CDH20: variants seen among roughly 807,000 people sequenced by gnomAD.
The protein encoded by CDH20 is cadherin-20.
CDH20 carries 29 observed loss-of-function variants against 74.2 expected under a neutral mutation model. The observed-to-expected ratio is 0.39, with a 90% CI of 0.29 to 0.53. The LOEUF is 0.53. Ranked by LOEUF, CDH20 falls within the 20% of genes least tolerant of loss-of-function variation. The probability of loss-of-function intolerance (pLI) is 0.69; values close to 1 mark genes in which losing one functional copy is unlikely to be tolerated. For synonymous variants in CDH20, 469 were observed against 405.4 expected (o/e 1.16, Z -1.88); for missense variants, 988 against 1,048.3 (o/e 0.94, Z 0.79).
At chr18:61,519,774 T>C (rs1010235513) in intron 6 of CDH20, among the ~76,000 whole-genome samples, 3 of 150,818 alleles carry the variant, frequency 2.0e-5, no homozygotes, top group Non-Finnish European at 2.9e-5. Context: ...CATAACAATA[T>C]AAACCTTAAA....
At chr18:61,366,017 G>A (rs778148707) in intron 1 of CDH20, among the ~76,000 whole-genome samples, 1 of 152,120 alleles carries the variant, frequency 6.6e-6, no homozygotes, top group Non-Finnish European at 1.5e-5. Flanking sequence ...AACATTGCAC[G>A]TTTTAAGCCT....
intron 8 of CDH20, among the ~76,000 whole-genome samples, chr18:61,538,602 G>GTTTTTTTTTTTTTTTTTTTTTTTTTTT: frequency 2.0e-5 from 1 of 50,450 alleles, no homozygotes; most frequent in Non-Finnish European, 3.8e-5. Context: ...GTTTGTTTTT[G>GTTTTTTTTTTTTTTTTTTTTTTTTTTT]TTTTTGTTTT....
intron 1 of CDH20, among the ~76,000 whole-genome samples, chr18:61,340,646 T>C (rs1311637664): frequency 1.3e-5 from 2 of 152,220 alleles, no homozygotes; most frequent in African/African-American, 4.8e-5. Flanking sequence ...CAAAATATTT[T>C]CTGAAGGACT....
chr18:61,453,635 G>A (rs1029263262), intron 1 of CDH20, among the ~76,000 whole-genome samples: 2 of 152,208 alleles, frequency 1.3e-5, no homozygotes, highest in South Asian at 4.1e-4. Flanking sequence ...GGCATTGCGT[G>A]TATCAATGAC....
chr18:61,368,698 A>C (rs995627227), intron 1 of CDH20, among the ~76,000 whole-genome samples: 1 of 152,054 alleles, frequency 6.6e-6, no homozygotes, highest in Admixed American at 6.6e-5. Context: ...AATTGCATCA[A>C]AGTAAAAGTA....
At chr18:61,460,974 A>G (rs1909747109) in intron 1 of CDH20, among the ~76,000 whole-genome samples, 1 of 152,190 alleles carries the variant, frequency 6.6e-6, no homozygotes. Flanking sequence ...AATAAGTACT[A>G]AAGAATTATA....
chr18:61,450,702 A>AT (rs1292506237), intron 1 of CDH20, among the ~76,000 whole-genome samples: 2 of 152,008 alleles, frequency 1.3e-5, no homozygotes, highest in Non-Finnish European at 2.9e-5. Flanking sequence ...TAGAGATATA[A>AT]TTTTTTACAA....
chr18:61,467,309 C>G (rs80334559), intron 1 of CDH20, among the ~76,000 whole-genome samples: 1 of 152,050 alleles, frequency 6.6e-6, no homozygotes, highest in Non-Finnish European at 1.5e-5. Flanking sequence ...CCTTCTTCTC[C>G]GCTTGAGAAT....
chr18:61,539,194 A>C (rs771573772), intron 9 of CDH20, 49 bp downstream of exon 9: 2 of 1,594,978 alleles, frequency 1.3e-6, no homozygotes, highest in South Asian at 2.3e-5. Context: ...TAACTTCTGG[A>C]AACAATTGTT....
chr18:61,542,901 C>T (rs1432073003), intron 9 of CDH20, among the ~76,000 whole-genome samples: 1 of 152,184 alleles, frequency 6.6e-6, no homozygotes, highest in East Asian at 1.9e-4. Context: ...GAACTCAACT[C>T]ATCACCAGGA....
At position 61,353,491 on chromosome 18, in the gene CDH20, C is replaced by T. The variant is rs1910378071; in HGVS notation, c.-153+19664C>T. On this transcript the variant is annotated intron_variant, in intron 1 of 11. Coordinates refer to ENST00000262717, the MANE Select transcript of CDH20 (RefSeq NM_031891.4). The surrounding 1 kb of genome is among the most constrained non-coding windows in gnomAD (Gnocchi z 4.6). The stretch of plus-strand genomic sequence containing the variant: ...ACTAATCATTTGTCTACTTGTGGTC[C>T]TCTTGTTTTTTCTAGAAGATGATCT... Among the ~76,000 whole-genome samples, 1 of 152,160 alleles carries T rather than the reference C, an allele frequency of 6.6e-6. No homozygotes were observed. Among genetic ancestry groups the T allele is most frequent in the Non-Finnish European group, 1.5e-5 (1 of 68,028 alleles).
At chr18:61,368,278 G>A (rs576582878) in intron 1 of CDH20, among the ~76,000 whole-genome samples, 35 of 152,100 alleles carry the variant, frequency 2.3e-4, no homozygotes, top group Admixed American at 6.5e-5. Context: ...GGACACCTAG[G>A]GGGAGGGGGA....
intron 1 of CDH20, among the ~76,000 whole-genome samples, chr18:61,469,998 T>C (rs1179772568): frequency 1.3e-5 from 2 of 152,230 alleles, no homozygotes; most frequent in Non-Finnish European, 2.9e-5. Context: ...AAGACCATTT[T>C]TCTCATTGCA....
chr18:61,463,901 T>C (rs1485376545), intron 1 of CDH20, among the ~76,000 whole-genome samples: 4 of 152,074 alleles, frequency 2.6e-5, no homozygotes, highest in Non-Finnish European at 1.5e-5. Flanking sequence ...GAATTCTGCA[T>C]CTTTAGAAGG....
chr18:61,428,709 A>T (rs959322987), intron 1 of CDH20, among the ~76,000 whole-genome samples: 1 of 152,194 alleles, frequency 6.6e-6, no homozygotes, highest in Non-Finnish European at 1.5e-5. Context: ...CTCTGCATAG[A>T]ATCACCACAT....
chr18:61,480,028 A>G (rs1910532664), intron 1 of CDH20, among the ~76,000 whole-genome samples: 1 of 152,208 alleles, frequency 6.6e-6, no homozygotes, highest in Admixed American at 6.5e-5. Context: ...GGGTAGAATA[A>G]AAACATTCTA....
At chr18:61,462,410 T>C (rs1194484009) in intron 1 of CDH20, among the ~76,000 whole-genome samples, 1 of 152,158 alleles carries the variant, frequency 6.6e-6, no homozygotes, top group East Asian at 1.9e-4. Context: ...GGACCCATTC[T>C]AACAGCCTCA....
intron 1 of CDH20, among the ~76,000 whole-genome samples, chr18:61,371,192 C>T (rs563460361): frequency 6.6e-6 from 1 of 152,150 alleles, no homozygotes; most frequent in South Asian, 2.1e-4. Context: ...TGTAATTAAC[C>T]TGCTGTATTT....
At chr18:61,537,407 T>C (rs1912850611) in intron 8 of CDH20, among the ~76,000 whole-genome samples, 1 of 152,116 alleles carries the variant, frequency 6.6e-6, no homozygotes. Context: ...TATTTTAAAA[T>C]AAGGAGAAAA....
Sources: allele counts gnomAD v4.1 joint callset (sites outside exome capture counted in the v4.1 genomes callset), GRCh38; gene constraint gnomAD v4.1.1; non-coding constraint Gnocchi (gnomAD v3.1); transcripts MANE v1.5; gene names NCBI Gene and HGNC (gene_info 2026-07-23, HGNC 2026-07-21).